FSTL5: variants seen among roughly 807,000 people sequenced by gnomAD.
The protein encoded by FSTL5 is follistatin-related protein 5.
FSTL5 carries 62 observed loss-of-function variants against 89.1 expected under a neutral mutation model. The ratio of observed to expected loss-of-function variants is 0.70; its 90% CI spans 0.57 to 0.86. FSTL5 has a LOEUF of 0.86. Ranked by LOEUF, FSTL5 falls within the 40% of genes least tolerant of loss-of-function variation. FSTL5 has a pLI of 0.00. For synonymous variants in FSTL5, 383 were observed against 346.2 expected (o/e 1.11, Z -1.18); for missense variants, 1,057 against 1,001.6 (o/e 1.06, Z -0.75).
chr4:161,940,504 C>T (rs780494305), intron 3 of FSTL5, among the ~76,000 whole-genome samples: 6 of 151,336 alleles, frequency 4.0e-5, no homozygotes, highest in Non-Finnish European at 7.4e-5. Flanking sequence ...AGCAAGAATC[C>T]TGAAAACAGA....
intron 6 of FSTL5, among the ~76,000 whole-genome samples, chr4:161,709,418 A>T (rs975584): frequency 6.6e-6 from 1 of 152,062 alleles, no homozygotes; most frequent in African/African-American, 2.4e-5. Context: ...TTCTCATGAG[A>T]TATTCATTCA....
intron 3 of FSTL5, among the ~76,000 whole-genome samples, chr4:161,987,883 T>C (rs1337125817): frequency 6.6e-6 from 1 of 151,620 alleles, no homozygotes; most frequent in Non-Finnish European, 1.5e-5. Flanking sequence ...AGACAGAGTC[T>C]ACCAAATAAA....
At chr4:162,016,726 A>G (rs942812688) in intron 3 of FSTL5, among the ~76,000 whole-genome samples, 1 of 152,190 alleles carries the variant, frequency 6.6e-6, no homozygotes, top group Non-Finnish European at 1.5e-5. Flanking sequence ...GAGCATCTTT[A>G]TAATGTTATA....
intron 3 of FSTL5, among the ~76,000 whole-genome samples, chr4:161,973,132 C>T (rs1461691498): frequency 6.6e-6 from 1 of 152,074 alleles, no homozygotes; most frequent in Non-Finnish European, 1.5e-5. Flanking sequence ...TATGAAATCA[C>T]TATTTGATGA....
rs1491410917 is a variant in FSTL5 at position 161,766,905 on chromosome 4, TCG to T, written c.607-7376_607-7375del. On this transcript the variant is annotated intron_variant, in intron 5 of 15. Transcript: ENST00000306100. Reference sequence around the variant, plus strand: ...AGATAGATAGACAATAGATGATAGATCGATTGATAGATAGATAGATAGATAGA... The same window carrying T: ...AGATAGATAGACAATAGATGATAGATATTGATAGATAGATAGATAGATAGA... Among the ~76,000 whole-genome samples, 33 of 72,884 alleles carry T rather than the reference TCG, an allele frequency of 4.5e-4. 1 individual carries two copies. The highest frequency in any genetic ancestry group is 1.8e-3 in the African/African-American group (19 of 10,632). 47.8% of individuals were successfully genotyped at this position (72,884 alleles called of 152,430 possible).
At chr4:161,704,483 A>G (rs1346849859) in intron 6 of FSTL5, among the ~76,000 whole-genome samples, 1 of 152,094 alleles carries the variant, frequency 6.6e-6, no homozygotes, top group East Asian at 1.9e-4. Context: ...TCACTCTTAA[A>G]ACACACTATG....
intron 15 of FSTL5, among the ~76,000 whole-genome samples, chr4:161,436,008 C>G (rs559304056): frequency 6.6e-6 from 1 of 152,118 alleles, no homozygotes; most frequent in Non-Finnish European, 1.5e-5. Context: ...AGTTTCCTCA[C>G]ATTTCTTGCC....
intron 4 of FSTL5, among the ~76,000 whole-genome samples, chr4:161,880,375 C>G (rs1252768342): frequency 6.6e-6 from 1 of 151,906 alleles, no homozygotes; most frequent in Admixed American, 6.6e-5. Context: ...TATAACAGAA[C>G]TTGGAGTTCT....
chr4:161,606,526 G>T (rs1267900628), intron 7 of FSTL5, among the ~76,000 whole-genome samples: 1 of 151,998 alleles, frequency 6.6e-6, no homozygotes, highest in Admixed American at 6.6e-5. Flanking sequence ...CACCGCGCCC[G>T]GCCCGATTAT....
intron 4 of FSTL5, among the ~76,000 whole-genome samples, chr4:161,807,473 A>C (rs1194033340): frequency 1.3e-5 from 2 of 152,096 alleles, no homozygotes; most frequent in African/African-American, 4.8e-5. Flanking sequence ...GGCTGAAATT[A>C]TGATGATTTT....
intron 15 of FSTL5, among the ~76,000 whole-genome samples, chr4:161,424,347 T>G (rs937467748): frequency 1.3e-5 from 2 of 151,822 alleles, no homozygotes; most frequent in African/African-American, 2.4e-5. Context: ...AAATAATCAT[T>G]TACTGTTTAG....
intron 1 of FSTL5, among the ~76,000 whole-genome samples, chr4:162,138,664 G>T (rs1239119162): frequency 6.6e-6 from 1 of 151,934 alleles, no homozygotes; most frequent in African/African-American, 2.4e-5. Flanking sequence ...AATAAAATCT[G>T]TAATAATTGG....
chr4:161,548,613 G>A (rs1459137008), intron 8 of FSTL5, among the ~76,000 whole-genome samples: 1 of 151,746 alleles, frequency 6.6e-6, no homozygotes. Context: ...TATGTCACAT[G>A]CAATTGTATG....
intron 6 of FSTL5, among the ~76,000 whole-genome samples, chr4:161,697,947 G>GTC (rs1368313072): frequency 2.0e-5 from 3 of 151,870 alleles, no homozygotes; most frequent in Admixed American, 1.3e-4. Context: ...AGGTGTGTGT[G>GTC]TGTGTGTGTG....
intron 5 of FSTL5, among the ~76,000 whole-genome samples, chr4:161,760,787 A>T (rs1193845219): frequency 6.6e-6 from 1 of 152,196 alleles, no homozygotes; most frequent in Non-Finnish European, 1.5e-5. Flanking sequence ...GACTTTCTTT[A>T]GTACAGCAAA....
intron 4 of FSTL5, among the ~76,000 whole-genome samples, chr4:161,801,076 C>A (rs1296366821): frequency 6.6e-6 from 1 of 151,528 alleles, no homozygotes; most frequent in Non-Finnish European, 1.5e-5. Flanking sequence ...GTGAAAAGTG[C>A]TACACTTGTC....
At chr4:161,779,789 ATATAT>A (rs1741573979) in intron 4 of FSTL5, among the ~76,000 whole-genome samples, 1 of 51,076 alleles carries the variant, frequency 2.0e-5, no homozygotes, top group Non-Finnish European at 3.1e-5. Context: ...ATATATATAT[ATATAT>A]ATATATATAT....
intron 13 of FSTL5, among the ~76,000 whole-genome samples, chr4:161,479,943 AATGG>A (rs559940318): frequency 1.4e-3 from 214 of 152,128 alleles, no homozygotes; most frequent in Non-Finnish European, 2.3e-3. Context: ...TGGGTGAGTG[AATGG>A]ATGGATGGAT....
intron 2 of FSTL5, among the ~76,000 whole-genome samples, chr4:162,055,504 A>G (rs567847014): frequency 6.9e-6 from 1 of 145,466 alleles, no homozygotes; most frequent in African/African-American, 2.6e-5. Flanking sequence ...ATATATAAAT[A>G]GATAGATGAT....
Sources: allele counts gnomAD v4.1 joint callset (sites outside exome capture counted in the v4.1 genomes callset), GRCh38; gene constraint gnomAD v4.1.1; transcripts MANE v1.5; gene names NCBI Gene and HGNC (gene_info 2026-07-23, HGNC 2026-07-21).